Variants in FLNB observed in about 807,000 individuals in gnomAD.
The protein encoded by FLNB is filamin-B.
In FLNB, 111 loss-of-function variants were observed where a neutral mutation model predicts 250.6. That is an observed-to-expected ratio of 0.44 (90% CI 0.38 to 0.52). The LOEUF (loss-of-function observed/expected upper bound fraction) is 0.52. Among genes scored for constraint, FLNB ranks in the 20% least tolerant of loss-of-function variants. FLNB has a pLI of 0.00. For synonymous variants in FLNB, 1,302 were observed against 1,372.1 expected (o/e 0.95, Z 1.13); for missense variants, 2,869 against 3,447.8 (o/e 0.83, Z 4.20).
chr3:58,121,650 A>G, intron 20 of FLNB, 147 bp downstream of exon 20: 1 of 998,376 alleles, frequency 1.0e-6, no homozygotes, highest in South Asian at 1.4e-5. Flanking sequence ...TCCCCTGGGT[A>G]GGTGGGTCAC....
chr3:58,159,597 G>A lies in FLNB; in HGVS notation c.6932G>A (p.Arg2311Lys), dbSNP rs1346782187. The A allele has an allele frequency of 6.2e-7, 1 of 1,614,130 alleles. No homozygotes were observed. The highest frequency in any genetic ancestry group is 8.5e-7 in the Non-Finnish European group (1 of 1,180,018). ...AACCAGCCAGCATCCTTTGCTATAA[G>A]GTTGAATGGCGCAAAAGGCAAGATT... ...KVNQPASFAI[R>K]LNGAKGKIDA... The change falls in exon 42 of 46, where the codon AGG becomes AAG. Residue 2311 changes from arginine (R) to lysine (K), a missense_variant. Arg to Lys is a conservative substitution (Grantham distance 26, BLOSUM62 2). Coordinates refer to ENST00000295956, the MANE Select transcript of FLNB (RefSeq NM_001457.4).
intron 29 of FLNB, among the ~76,000 whole-genome samples, chr3:58,140,462 T>A (rs2097324949): frequency 6.6e-6 from 1 of 152,224 alleles, no homozygotes; most frequent in Non-Finnish European, 1.5e-5. Context: ...TTTCTGCAGA[T>A]CCCAAGATAC....
At position 58,170,640 on chromosome 3, in the gene FLNB, C is replaced by T. The variant is rs775849419; in HGVS notation, c.7687C>T (p.His2563Tyr). 5 of 1,614,112 alleles carry T rather than the reference C, an allele frequency of 3.1e-6. No homozygotes were observed. Among genetic ancestry groups the T allele is most frequent in the East Asian group, 2.2e-5 (1 of 44,872 alleles). ...CCCCTGCGAGGAGGTCTCCATGAAGCATGTAGGCAACCAGCAATACAACGT... is the reference window on the plus strand; with the variant it reads ...CCCCTGCGAGGAGGTCTCCATGAAGTATGTAGGCAACCAGCAATACAACGT... The part of the protein sequence containing the change: ...TTPCEEVSMK[H>Y]VGNQQYNVTY... Residue 2563 changes from histidine (H) to tyrosine (Y), a missense_variant, in exon 46 of 46, where the codon CAT (histidine) becomes TAT (tyrosine). Physicochemically the swap from His to Tyr is moderately conservative, Grantham distance 83. Around this residue, in one of 5 missense-constraint regions of FLNB, gnomAD observed 1,084 missense variants for 1,315.5 expected, o/e 0.82. Coordinates refer to ENST00000295956, the MANE Select transcript of FLNB (RefSeq NM_001457.4).
chr3:58,114,349 C>T (rs1249327104), intron 18 of FLNB, among the ~76,000 whole-genome samples: 4 of 152,034 alleles, frequency 2.6e-5, no homozygotes, highest in Non-Finnish European at 5.9e-5. Context: ...TTGGCCAGGC[C>T]GGTCTTGAAT....
intron 1 of FLNB, among the ~76,000 whole-genome samples, chr3:58,056,604 T>G (rs949365370): frequency 1.3e-5 from 2 of 152,066 alleles, no homozygotes; most frequent in African/African-American, 2.4e-5. Context: ...AGTTATGTAT[T>G]TATTTATTTA....
rs147848572 is a variant in FLNB at position 58,147,333 on chromosome 3, G to A, written c.5728+340G>A. ...CATGAGCTTAGACATGCCCTTCAGCGTCACTACTAGGTAAATTTTCTGCTA... is the reference window on the plus strand; with the variant it reads ...CATGAGCTTAGACATGCCCTTCAGCATCACTACTAGGTAAATTTTCTGCTA... On this transcript the variant is annotated intron_variant, in intron 34 of 45. Coordinates refer to ENST00000295956, the MANE Select transcript of FLNB (RefSeq NM_001457.4). Among the ~76,000 whole-genome samples the A allele has an allele frequency of 5.6e-3, 848 of 152,326 alleles. 8 individuals are homozygous for A. The highest frequency in any genetic ancestry group is 7.9e-3 in the Non-Finnish European group (538 of 68,032).
At chr3:58,022,674 C>T (rs577311159) in intron 1 of FLNB, among the ~76,000 whole-genome samples, 8 of 152,218 alleles carry the variant, frequency 5.3e-5, no homozygotes, top group Non-Finnish European at 1.2e-4. Flanking sequence ...TTGTAATTCC[C>T]GTTATGCAGA....
chr3:58,021,964 C>T (rs1025668841), intron 1 of FLNB, among the ~76,000 whole-genome samples: 4 of 151,940 alleles, frequency 2.6e-5, no homozygotes, highest in Non-Finnish European at 5.9e-5. Context: ...TTTGTAGATT[C>T]GGTTTGCTAT....
rs1464387441 is a variant in FLNB, at chr3:58,163,323, C to T, written c.7191C>T (p.Gly2397=). The T allele has an allele frequency of 1.2e-6, 2 of 1,614,104 alleles. No homozygotes were observed. The highest frequency in any genetic ancestry group is 1.1e-5 in the South Asian group (1 of 91,090). Residue 2397 remains glycine, a synonymous_variant, in exon 43 of 46, where the codon GGC becomes GGT. Transcript: ENST00000295956. ...CCTATGGCACGGGACTCGAAGGGGG[C>T]ACCACAGGTAACCCACTCTTCTGCT... ...VSAYGTGLEG[G]TTGIQSEFFI...
chr3:58,113,119 G>A (rs1176968420), intron 18 of FLNB, among the ~76,000 whole-genome samples: 4 of 152,110 alleles, frequency 2.6e-5, no homozygotes, highest in South Asian at 4.2e-4. Context: ...TCATTATGTC[G>A]TGCACCCATC....
chr3:58,169,435 G>C lies in FLNB; in HGVS notation c.7418-155G>C. ...GGGGTGGGATCCTAGGGGTTTAGAA[G>C]ACATTATGGGTGTGAGATACAGGTG... is the stretch of plus-strand genomic sequence containing the variant. On this transcript the variant is annotated intron_variant, in intron 44 of 45. Transcript: ENST00000295956. The surrounding 1 kb of genome is among the most constrained non-coding windows in gnomAD (Gnocchi z 4.8). 2 of 694,788 alleles carry C rather than the reference G, an allele frequency of 2.9e-6. No homozygotes were observed. The highest frequency in any genetic ancestry group is 5.3e-6 in the Non-Finnish European group (2 of 378,566). The allele number at this position is 694,788 out of a possible 1,614,324, so 43.0% of individuals were successfully genotyped here.
intron 18 of FLNB, among the ~76,000 whole-genome samples, chr3:58,118,139 A>G (rs1282969687): frequency 6.6e-6 from 1 of 152,258 alleles, no homozygotes; most frequent in Admixed American, 6.5e-5. Flanking sequence ...AATGGCGCAC[A>G]CATGGCTATC....
At chr3:58,044,190 G>A (rs2097150186) in intron 1 of FLNB, among the ~76,000 whole-genome samples, 1 of 152,130 alleles carries the variant, frequency 6.6e-6, no homozygotes, top group African/African-American at 2.4e-5. Context: ...GACAAATCTG[G>A]GTGGGTGGAG....
At chr3:58,104,799 C>T (rs1254918077) in intron 10 of FLNB, among the ~76,000 whole-genome samples, 5 of 152,172 alleles carry the variant, frequency 3.3e-5, no homozygotes, top group Non-Finnish European at 7.3e-5. Flanking sequence ...GAGGCCTGCA[C>T]ACAAAGGTAA....
At chr3:58,113,604 G>C (rs142346546) in intron 18 of FLNB, among the ~76,000 whole-genome samples, 26 of 152,328 alleles carry the variant, frequency 1.7e-4, no homozygotes, top group African/African-American at 6.0e-4. Flanking sequence ...AAGGGATTCT[G>C]TGTGTCGTGT....
chr3:58,132,754 G>T, intron 25 of FLNB, 54 bp from the exon 26 acceptor site: 1 of 1,613,144 alleles, frequency 6.2e-7, no homozygotes, highest in Non-Finnish European at 8.5e-7. Context: ...TCAGCCAAGG[G>T]TGGAGTAAAG....
At chr3:58,152,767 A>G (rs1199462668) in intron 38 of FLNB, 22 of 1,337,750 alleles carry the variant, frequency 1.6e-5, no homozygotes, top group Non-Finnish European at 2.1e-5. Flanking sequence ...GCAGTTTCAT[A>G]CTGGCTCTAG....
intron 28 of FLNB, 58 bp downstream of exon 28, chr3:58,136,226 C>T (rs923678823): frequency 1.5e-5 from 24 of 1,555,210 alleles, no homozygotes; most frequent in African/African-American, 4.1e-5. Context: ...AAAGCCGGGC[C>T]GTAGCCCTTC....
In FLNB at chr3:58,094,901, G is replaced by A. The variant is rs886058760; in HGVS notation, c.853G>A (p.Gly285Arg). 8.7e-6 allele frequency: 14 copies of A among 1,614,030 alleles called. No individual in the cohort carries two copies. Among genetic ancestry groups the A allele is most frequent in the East Asian group, 2.2e-5 (1 of 44,900 alleles). ...AKFTVDTISA[G>R]QGDVMVFVED... ...GTTCACTGTGGACACCATCAGCGCC[G>A]GGCAAGGAGACGTGATGGTGTTTGT... Residue 285 changes from glycine to arginine, a missense_variant, in exon 5 of 46, where the codon GGG (glycine) becomes AGG (arginine). By Grantham distance (125) the Gly-to-Arg change is moderately radical. Around this residue, in one of 5 missense-constraint regions of FLNB, gnomAD observed 308 missense variants for 466.1 expected, o/e 0.66. Transcript: ENST00000295956.
Sources: allele counts gnomAD v4.1 joint callset (sites outside exome capture counted in the v4.1 genomes callset), GRCh38; gene constraint gnomAD v4.1.1; regional missense constraint gnomAD v4.1.1; non-coding constraint Gnocchi (gnomAD v3.1); transcripts MANE v1.5; gene names NCBI Gene and HGNC (gene_info 2026-07-23, HGNC 2026-07-21).